The following STK33 variants were observed in gnomAD, a reference collection of about 807,000 sequenced individuals.
STK33 encodes serine/threonine kinase 33, also known as serine/threonine-protein kinase 33.
In STK33, 52 loss-of-function variants were observed where a neutral mutation model predicts 58.0. The ratio of observed to expected loss-of-function variants is 0.90; its 90% CI spans 0.72 to 1.13. The LOEUF (loss-of-function observed/expected upper bound fraction) is 1.13, where lower values mean the gene tolerates loss of function less well. STK33 is among the 50% of genes most tolerant of loss of function. The pLI is 0.00. For missense variants in STK33, 630 were observed against 604.2 expected, an observed-to-expected ratio of 1.04 and a Z score of -0.45; for synonymous variants, 215 against 200.1, an observed-to-expected ratio of 1.07 and a Z score of -0.63.
chr11:8,451,531 G>GA (rs943262719), intron 11 of STK33, among the ~76,000 whole-genome samples: 15 of 150,170 alleles, frequency 1.0e-4, no homozygotes, highest in African/African-American at 1.5e-4. Flanking sequence ...GTGCAGAAAA[G>GA]AAAAAAAAAG....
intron 14 of STK33, among the ~76,000 whole-genome samples, chr11:8,414,203 A>G (rs1940767907): frequency 6.6e-6 from 1 of 152,212 alleles, no homozygotes; most frequent in African/African-American, 2.4e-5. Context: ...CCTGTCTGGA[A>G]GATTTAAATA....
chr11:8,535,391 A>G (rs2140217866), intron 1 of STK33, among the ~76,000 whole-genome samples: 1 of 152,302 alleles, frequency 6.6e-6, no homozygotes, highest in Admixed American at 6.5e-5. Flanking sequence ...ACAACTCAAC[A>G]GGAAAAAAGA....
chr11:8,581,980 G>A (rs1189143945), intron 1 of STK33, among the ~76,000 whole-genome samples: 1 of 152,208 alleles, frequency 6.6e-6, no homozygotes, highest in Non-Finnish European at 1.5e-5. Context: ...CAGTTATTAA[G>A]TGAGTCTGAA....
chr11:8,552,945 G>A (rs1480176131), intron 1 of STK33, among the ~76,000 whole-genome samples: 2 of 151,216 alleles, frequency 1.3e-5, no homozygotes, highest in Non-Finnish European at 2.9e-5. Flanking sequence ...GAGCCCAGGA[G>A]TTCAGGAGCT....
intron 1 of STK33, among the ~76,000 whole-genome samples, chr11:8,538,677 C>T (rs1339149663): frequency 6.6e-6 from 1 of 152,128 alleles, no homozygotes; most frequent in African/African-American, 2.4e-5. Context: ...TTTGGCAGAG[C>T]GACCTAACCT....
chr11:8,439,874 T>TATATATATATATATATATATAC (rs1024332896), intron 12 of STK33, among the ~76,000 whole-genome samples: 1 of 140,432 alleles, frequency 7.1e-6, no homozygotes, highest in Non-Finnish European at 1.5e-5. Flanking sequence ...TATAATTATA[T>TATATATATATATATATATATAC]ATATATATAT....
At chr11:8,437,287 T>C (rs1944195461) in intron 12 of STK33, among the ~76,000 whole-genome samples, 1 of 152,192 alleles carries the variant, frequency 6.6e-6, no homozygotes, top group African/African-American at 2.4e-5. Context: ...TGTAAAGCTA[T>C]TACTTCAATA....
chr11:8,433,381 C>T lies in STK33; in HGVS notation c.1146+2113G>A, dbSNP rs576489147. On this transcript the variant is annotated intron_variant, in intron 14 of 15. Transcript: ENST00000687296. ...ATCTGAGGTTCTTAATGTTTTAGTG[C>T]CTAAAGACATGTTGCTGGGACCTCT... is the stretch of plus-strand genomic sequence containing the variant. 2.0e-5 allele frequency among the ~76,000 whole-genome samples: 3 copies of T among 152,124 alleles called. No homozygotes were observed. The South Asian group carries it at 6.2e-4, about 32-fold the overall frequency.
intron 15 of STK33, among the ~76,000 whole-genome samples, chr11:8,397,360 G>C (rs1355788646): frequency 6.6e-6 from 1 of 152,250 alleles, no homozygotes; most frequent in Non-Finnish European, 1.5e-5. Flanking sequence ...AGGGTCTGGA[G>C]TGGACCTCCA....
chr11:8,406,725 T>A (rs1021586620), intron 15 of STK33, among the ~76,000 whole-genome samples: 3 of 152,186 alleles, frequency 2.0e-5, no homozygotes, highest in Non-Finnish European at 4.4e-5. Context: ...ACCTCTTTAA[T>A]TCACTTTTTG....
intron 1 of STK33, among the ~76,000 whole-genome samples, chr11:8,537,666 G>C (rs909465825): frequency 2.0e-5 from 3 of 151,962 alleles, no homozygotes; most frequent in Non-Finnish European, 2.9e-5. Context: ...CAGCACTTTG[G>C]GAGGCCAAGG....
At chr11:8,534,547 T>A (rs1361476130) in intron 1 of STK33, among the ~76,000 whole-genome samples, 1 of 126,640 alleles carries the variant, frequency 7.9e-6, no homozygotes, top group Non-Finnish European at 1.6e-5. Flanking sequence ...TCTCTCTCTC[T>A]CTCTCTCTCT....
In STK33 at chr11:8,474,878, A is replaced by AT. The variant is rs1949123317; in HGVS notation, c.27dup (p.Ser10IlefsTer41). 8 of 1,590,014 alleles carry AT rather than the reference A, an allele frequency of 5.0e-6. No individual in the cohort carries two copies. Among genetic ancestry groups the AT allele is most frequent in the Admixed American group, 1.8e-5 (1 of 55,256 alleles). ...GATGAACAGTCGGGGCATTTTGTGG[A>AT]TTTTTTATCTAAGCCACTATCAGCC... On this transcript the variant is annotated frameshift_variant, in exon 5 of 16. Transcript: ENST00000687296. LOFTEE classifies it high-confidence loss of function.
At chr11:8,368,413 T>G in the STK33 span, among the ~76,000 whole-genome samples, 2 of 152,210 alleles carry the variant, frequency 1.3e-5, no homozygotes, top group Non-Finnish European at 2.9e-5. Context: ...GCCTGTGCCA[T>G]CAAGGTCGAA....
intron 1 of STK33, among the ~76,000 whole-genome samples, chr11:8,569,424 T>C (rs1275449711): frequency 6.6e-6 from 1 of 152,168 alleles, no homozygotes; most frequent in Non-Finnish European, 1.5e-5. Context: ...AAAAAGAAAC[T>C]GAACTTCAAC....
chr11:8,414,011 C>T (rs1940732034), intron 14 of STK33, among the ~76,000 whole-genome samples: 1 of 152,152 alleles, frequency 6.6e-6, no homozygotes, highest in Non-Finnish European at 1.5e-5. Context: ...CCCTATAGCG[C>T]TGTTCTTAGA....
intron 1 of STK33, among the ~76,000 whole-genome samples, chr11:8,495,731 A>G (rs1951007712): frequency 6.6e-6 from 1 of 152,188 alleles, no homozygotes; most frequent in Non-Finnish European, 1.5e-5. Context: ...GGATTAAGAA[A>G]ATGTGGCACA....
At chr11:8,395,790 T>G (rs901465312) in intron 15 of STK33, among the ~76,000 whole-genome samples, 2 of 152,236 alleles carry the variant, frequency 1.3e-5, no homozygotes, top group African/African-American at 4.8e-5. Context: ...TTCGTAAGTT[T>G]TTCTACAGGA....
the STK33 span, among the ~76,000 whole-genome samples, chr11:8,369,875 C>T: frequency 3.9e-5 from 6 of 152,314 alleles, no homozygotes; most frequent in South Asian, 2.1e-4. Flanking sequence ...GCCTAAGGGG[C>T]CAGCCCAAGG....
Sources: gnomAD v4.1 joint callset for allele counts (sites outside exome capture counted in the v4.1 genomes callset) on GRCh38, gnomAD v4.1.1 for gene constraint, MANE v1.5 for transcripts, NCBI Gene and HGNC (gene_info 2026-07-23, HGNC 2026-07-21) for gene names.